SLC16A9: variants seen among roughly 807,000 people sequenced by gnomAD.
SLC16A9 encodes the protein monocarboxylate transporter 9.
In SLC16A9, 26 loss-of-function variants were observed where a neutral mutation model predicts 44.3. The observed-to-expected ratio is 0.59, with a 90% CI of 0.43 to 0.81. The LOEUF (loss-of-function observed/expected upper bound fraction) is 0.81, where lower values mean the gene tolerates loss of function less well. Among genes scored for constraint, SLC16A9 ranks in the 40% least tolerant of loss-of-function variants. The pLI is 0.00. For synonymous variants in SLC16A9, 230 were observed against 225.1 expected, an observed-to-expected ratio of 1.02 and a Z score of -0.19; for missense variants, 559 against 595.8, an observed-to-expected ratio of 0.94 and a Z score of 0.64.
At chr10:59,663,750 A>T (rs937962721) in intron 4 of SLC16A9, among the ~76,000 whole-genome samples, 2 of 152,130 alleles carry the variant, frequency 1.3e-5, no homozygotes, top group African/African-American at 4.8e-5. Flanking sequence ...CAGAACTTAA[A>T]ATATAATAAT....
intron 1 of SLC16A9, among the ~76,000 whole-genome samples, chr10:59,703,725 C>CTTTT (rs1491211418): frequency 6.9e-6 from 1 of 145,944 alleles, no homozygotes; most frequent in Non-Finnish European, 1.5e-5. Flanking sequence ...TTTTTTTTTT[C>CTTTT]GTTTTTTTTT....
intron 2 of SLC16A9, among the ~76,000 whole-genome samples, chr10:59,677,017 G>T (rs1473417446): frequency 1.3e-5 from 2 of 150,094 alleles, no homozygotes; most frequent in South Asian, 2.1e-4. Context: ...TGAGAAGGAT[G>T]TAATTTTGGA....
chr10:59,653,928 G>A lies in SLC16A9; in HGVS notation c.1098C>T (p.Phe366=), dbSNP rs749848008. 6.2e-7 allele frequency: 1 copy of A among 1,614,068 alleles called. No homozygotes were observed. The highest frequency in any genetic ancestry group is 1.7e-5 in the Admixed American group (1 of 60,014). ...AAAGATACAAGGTATTAATCCACTT[G>A]AAGTCAGCCAGTATCCCTAAAAGCA... is the stretch of plus-strand genomic sequence containing the variant. ...GKLLLGILAD[F]KWINTLYLYV... The change falls in exon 5 of 6, where the codon TTC becomes TTT. Residue 366 remains phenylalanine (F), a synonymous_variant. Coordinates refer to ENST00000395348, the MANE Select transcript of SLC16A9 (RefSeq NM_194298.3).
At chr10:59,683,860 G>A (rs540496793) in intron 2 of SLC16A9, among the ~76,000 whole-genome samples, 4 of 152,200 alleles carry the variant, frequency 2.6e-5, no homozygotes, top group East Asian at 1.9e-4. Flanking sequence ...CCGGCACATC[G>A]TAGAAAATAA....
intron 1 of SLC16A9, among the ~76,000 whole-genome samples, chr10:59,696,470 G>A (rs1171718269): frequency 6.6e-6 from 1 of 152,204 alleles, no homozygotes; most frequent in Non-Finnish European, 1.5e-5. Flanking sequence ...CCACCTCCCA[G>A]CTGCCTGCCT....
At chr10:59,687,461 C>A (rs1040902584) in intron 1 of SLC16A9, among the ~76,000 whole-genome samples, 1 of 152,178 alleles carries the variant, frequency 6.6e-6, no homozygotes, top group African/African-American at 2.4e-5. Flanking sequence ...GATGGTCATA[C>A]AATTTTCCCT....
chr10:59,653,255 T>TAAA, intron 5 of SLC16A9, among the ~76,000 whole-genome samples: 1 of 147,694 alleles, frequency 6.8e-6, no homozygotes, highest in African/African-American at 2.6e-5. Context: ...CCGTCTCTAC[T>TAAA]AAACAACAAC....
intron 5 of SLC16A9, among the ~76,000 whole-genome samples, chr10:59,653,244 C>T (rs1458808956): frequency 2.0e-5 from 3 of 149,808 alleles, no homozygotes; most frequent in East Asian, 3.9e-4. Context: ...ACGGTGAAAC[C>T]CCGTCTCTAC....
At chr10:59,660,260 C>T (rs144405039) in intron 4 of SLC16A9, among the ~76,000 whole-genome samples, 11,377 of 151,886 alleles carry the variant, frequency 0.075, 575 homozygotes, top group Non-Finnish European at 0.11. Context: ...GCTAGCCAGA[C>T]TAATAAGTAA....
At chr10:59,653,628 A>G in intron 5 of SLC16A9, 47 bp downstream of exon 5, 1 of 1,511,164 alleles carries the variant, frequency 6.6e-7, no homozygotes, top group South Asian at 1.2e-5. Flanking sequence ...TGGAGATATG[A>G]CAAGGAAGAA....
intron 1 of SLC16A9, among the ~76,000 whole-genome samples, chr10:59,689,916 T>C (rs769963066): frequency 2.0e-5 from 3 of 152,256 alleles, no homozygotes; most frequent in Non-Finnish European, 4.4e-5. Flanking sequence ...TATGATCTAA[T>C]ATGATACATT....
rs80298271 is a variant in SLC16A9 at position 59,692,208 on chromosome 10, G to A, written c.-36-7881C>T. On this transcript the variant is annotated intron_variant, in intron 1 of 5. Transcript: ENST00000395348. Reference sequence around the variant, plus strand: ...TTGGGAAAAAAATGGTTGATTCCAGGTTGATTTTGCCTTGATCTAGTTATC... The same window carrying A: ...TTGGGAAAAAAATGGTTGATTCCAGATTGATTTTGCCTTGATCTAGTTATC... Among the ~76,000 whole-genome samples the A allele has an allele frequency of 7.4e-3, 1,123 of 152,268 alleles. 5 individuals carry two copies. Among genetic ancestry groups the A allele is most frequent in the Non-Finnish European group, 0.011 (726 of 68,024 alleles).
chr10:59,661,492 AAG>A (rs1367654012), intron 4 of SLC16A9, among the ~76,000 whole-genome samples: 3 of 152,222 alleles, frequency 2.0e-5, no homozygotes, highest in East Asian at 1.9e-4. Flanking sequence ...TCAAGGAAAT[AAG>A]AGAGTACACA....
chr10:59,681,940 C>T (rs1192637798), intron 2 of SLC16A9, among the ~76,000 whole-genome samples: 1 of 150,674 alleles, frequency 6.6e-6, no homozygotes, highest in Non-Finnish European at 1.5e-5. Context: ...TTTTCCCCAC[C>T]ACTTTTCATT....
chr10:59,652,958 G>C lies in SLC16A9; in HGVS notation c.1352-8C>G, dbSNP rs1257472593. On this transcript the variant is annotated splice_polypyrimidine_tract_variant and splice_region_variant and intron_variant, in intron 5 of 5. Coordinates refer to ENST00000395348, the MANE Select transcript of SLC16A9 (RefSeq NM_194298.3). ...TCCAGTCATAAAACCAACCTGAAAAGGCAGTAAGAAAAAAAGTAAGTTTCA... is the reference window on the plus strand; with the variant it reads ...TCCAGTCATAAAACCAACCTGAAAACGCAGTAAGAAAAAAAGTAAGTTTCA... The C allele has an allele frequency of 6.3e-7, 1 of 1,589,510 alleles. No homozygotes were observed. Among genetic ancestry groups the C allele is most frequent in the African/African-American group, 1.4e-5 (1 of 73,290 alleles).
intron 3 of SLC16A9, among the ~76,000 whole-genome samples, chr10:59,665,812 GA>G (rs1405591107): frequency 1.3e-5 from 2 of 151,832 alleles, no homozygotes; most frequent in Non-Finnish European, 2.9e-5. Context: ...TTCAAGACAT[GA>G]AAAAAAGACA....
intron 1 of SLC16A9, among the ~76,000 whole-genome samples, chr10:59,691,041 C>A (rs7100089): frequency 6.6e-6 from 1 of 152,148 alleles, no homozygotes; most frequent in East Asian, 1.9e-4. Context: ...GCTGAGATCA[C>A]GCCACTGCAC....
chr10:59,701,824 C>T (rs929874926), intron 1 of SLC16A9, among the ~76,000 whole-genome samples: 1 of 152,180 alleles, frequency 6.6e-6, no homozygotes, highest in African/African-American at 2.4e-5. Context: ...AGCTGGAATG[C>T]CTTTCTCCAA....
At chr10:59,672,744 A>C in intron 3 of SLC16A9, 26 bp downstream of exon 3, 1 of 1,602,424 alleles carries the variant, frequency 6.2e-7, no homozygotes, top group South Asian at 1.1e-5. Context: ...GAAGGTTAGG[A>C]AAGTCATAGT....
Sources: gnomAD v4.1 joint callset for allele counts (sites outside exome capture counted in the v4.1 genomes callset) on GRCh38, gnomAD v4.1.1 for gene constraint, MANE v1.5 for transcripts, NCBI Gene and HGNC (gene_info 2026-07-23, HGNC 2026-07-21) for gene names.